The following GPC5 variants were observed in gnomAD, a reference collection of about 807,000 sequenced individuals.
GPC5 encodes the protein glypican 5.
GPC5 carries 47 observed loss-of-function variants against 53.9 expected under a neutral mutation model. The ratio of observed to expected loss-of-function variants is 0.87; its 90% CI spans 0.69 to 1.11. The LOEUF is 1.11. Among genes scored for constraint, GPC5 ranks in the 50% most tolerant of loss-of-function variants. GPC5 has a pLI of 0.00. For missense variants in GPC5, 748 were observed against 713.1 expected (o/e 1.05, Z -0.56); for synonymous variants, 286 against 263.3 (o/e 1.09, Z -0.84).
chr13:92,342,963 G>T (rs962353793), intron 7 of GPC5, among the ~76,000 whole-genome samples: 3 of 152,052 alleles, frequency 2.0e-5, no homozygotes, highest in African/African-American at 7.2e-5. Context: ...ACATTATTCA[G>T]TAATTTATAT....
chr13:92,565,547 C>G (rs1566296437), intron 7 of GPC5, among the ~76,000 whole-genome samples: 1 of 151,984 alleles, frequency 6.6e-6, no homozygotes, highest in African/African-American at 2.4e-5. Context: ...TTTGCAGTTA[C>G]AATTAAAATT....
At chr13:91,699,462 A>G (rs1435828679) in intron 3 of GPC5, among the ~76,000 whole-genome samples, 1 of 152,228 alleles carries the variant, frequency 6.6e-6, no homozygotes, top group South Asian at 2.1e-4. Flanking sequence ...TACATTCTAC[A>G]GTAACTGTTA....
At chr13:91,401,306 A>G (rs1313556504) in intron 1 of GPC5, among the ~76,000 whole-genome samples, 2 of 151,722 alleles carry the variant, frequency 1.3e-5, no homozygotes, top group Non-Finnish European at 2.9e-5. Flanking sequence ...AAAAAAAAAA[A>G]CCCCTCAATC....
chr13:92,236,138 G>T (rs1224418186), intron 7 of GPC5, among the ~76,000 whole-genome samples: 1 of 151,872 alleles, frequency 6.6e-6, no homozygotes, highest in African/African-American at 2.4e-5. Flanking sequence ...AAATTTACTT[G>T]AAAATGGGTT....
chr13:91,532,460 T>C (rs1886393848), intron 2 of GPC5, among the ~76,000 whole-genome samples: 1 of 152,242 alleles, frequency 6.6e-6, no homozygotes, highest in South Asian at 2.1e-4. Context: ...TCATTTTCCA[T>C]GGATCTTGGT....
chr13:92,692,034 C>T (rs1392799582), intron 7 of GPC5, among the ~76,000 whole-genome samples: 3 of 152,104 alleles, frequency 2.0e-5, no homozygotes, highest in South Asian at 4.1e-4. Flanking sequence ...TCCTTCCCTC[C>T]CCCATCTAAT....
chr13:92,290,352 A>G (rs984045481), intron 7 of GPC5, among the ~76,000 whole-genome samples: 11 of 152,114 alleles, frequency 7.2e-5, no homozygotes, highest in African/African-American at 2.4e-4. Context: ...TTTAATTTCC[A>G]TAGGTTATTG....
intron 7 of GPC5, among the ~76,000 whole-genome samples, chr13:92,229,147 C>T (rs556811158): frequency 6.6e-6 from 1 of 152,098 alleles, no homozygotes; most frequent in Admixed American, 6.5e-5. Context: ...ACATTAGGCT[C>T]TGAGGAAAGG....
At chr13:92,586,308 T>G (rs1883537024) in intron 7 of GPC5, among the ~76,000 whole-genome samples, 1 of 152,218 alleles carries the variant, frequency 6.6e-6, no homozygotes, top group African/African-American at 2.4e-5. Flanking sequence ...AGGCATAGCA[T>G]GTGCAGATAT....
At chr13:91,643,196 A>G (rs1211776242) in intron 2 of GPC5, among the ~76,000 whole-genome samples, 1 of 152,200 alleles carries the variant, frequency 6.6e-6, no homozygotes, top group Non-Finnish European at 1.5e-5. Context: ...TATAGGGTGG[A>G]GCAAGAAAAA....
At position 92,839,827 on chromosome 13, in the gene GPC5, C is replaced by A. The variant is rs375986921; in HGVS notation, c.1562-26455C>A. On this transcript the variant is annotated intron_variant, in intron 7 of 7. Coordinates refer to ENST00000377067, the MANE Select transcript of GPC5 (RefSeq NM_004466.6). ...ATATTACCAATGTATTCCTTTTTACCCATAACCTAAACCCTTCCACGTATC... is the reference window on the plus strand; with the variant it reads ...ATATTACCAATGTATTCCTTTTTACACATAACCTAAACCCTTCCACGTATC... Among the ~76,000 whole-genome samples, 14 of 151,808 alleles carry A rather than the reference C, an allele frequency of 9.2e-5. 1 individual carries two copies. In the East Asian group the frequency reaches 2.7e-3, roughly 29 times the overall value.
intron 7 of GPC5, among the ~76,000 whole-genome samples, chr13:92,449,303 G>A (rs2139396552): frequency 6.6e-6 from 1 of 152,110 alleles, no homozygotes; most frequent in East Asian, 1.9e-4. Context: ...TGTTCCTTTG[G>A]CCCTTGACCT....
At chr13:92,183,726 G>C (rs1301927748) in intron 7 of GPC5, among the ~76,000 whole-genome samples, 3 of 151,812 alleles carry the variant, frequency 2.0e-5, no homozygotes, top group Non-Finnish European at 4.4e-5. Flanking sequence ...TCTCAACTTA[G>C]GTCTAATTTT....
chr13:91,809,132 A>T (rs372089461), intron 5 of GPC5, among the ~76,000 whole-genome samples: 24 of 152,160 alleles, frequency 1.6e-4, no homozygotes, highest in African/African-American at 5.3e-4. Flanking sequence ...TTAAGCCCTC[A>T]TCAATTTCTG....
intron 7 of GPC5, among the ~76,000 whole-genome samples, chr13:92,528,816 T>A (rs896874713): frequency 6.6e-6 from 1 of 152,070 alleles, no homozygotes; most frequent in Admixed American, 6.6e-5. Flanking sequence ...TCTTTCTTAA[T>A]AGGGTACCCA....
intron 5 of GPC5, among the ~76,000 whole-genome samples, chr13:91,772,459 T>C (rs1374743032): frequency 6.6e-6 from 1 of 152,138 alleles, no homozygotes; most frequent in Admixed American, 6.6e-5. Context: ...TAATCATACA[T>C]TTGGGCTCAT....
intron 6 of GPC5, among the ~76,000 whole-genome samples, chr13:91,952,974 A>G (rs1324281924): frequency 3.3e-5 from 5 of 152,292 alleles, no homozygotes; most frequent in Admixed American, 2.0e-4. Context: ...AGATAATTAG[A>G]CAATTATTGG....
chr13:92,593,786 G>C (rs1026233149), intron 7 of GPC5, among the ~76,000 whole-genome samples: 1 of 152,136 alleles, frequency 6.6e-6, no homozygotes, highest in South Asian at 2.1e-4. Flanking sequence ...ACAATCAACA[G>C]CATCAAATGC....
rs114891330 is a variant in GPC5, at chr13:91,816,437, C to G, written c.1280+60017C>G. On this transcript the variant is annotated intron_variant, in intron 5 of 7. Coordinates refer to ENST00000377067, the MANE Select transcript of GPC5 (RefSeq NM_004466.6). ...TGCTTTCAGGGAGGGAAAGGATGCA[C>G]TCAGTTGGGGTCCCTCATTGCTGGT... is the stretch of plus-strand genomic sequence containing the variant. Among the ~76,000 whole-genome samples the G allele has an allele frequency of 8.0e-3, 1,221 of 152,094 alleles. 17 individuals are homozygous for G. Among genetic ancestry groups the G allele is most frequent in the African/African-American group, 0.028 (1,163 of 41,480 alleles).
Sources: allele counts gnomAD v4.1 joint callset (sites outside exome capture counted in the v4.1 genomes callset), GRCh38; gene constraint gnomAD v4.1.1; transcripts MANE v1.5; gene names NCBI Gene and HGNC (gene_info 2026-07-23, HGNC 2026-07-21).